The following HMGB1 variants were observed in gnomAD, a reference collection of about 807,000 sequenced individuals.
HMGB1 encodes the protein high mobility group box 1, also known as high mobility group protein B1.
For synonymous variants in HMGB1, 81 were observed against 84.0 expected, an observed-to-expected ratio of 0.96 and a Z score of 0.19; for missense variants, 79 against 253.5, an observed-to-expected ratio of 0.31 and a Z score of 4.67.
chr13:30,489,723 A>G (rs896437314), intron 1 of HMGB1, among the ~76,000 whole-genome samples: 1 of 149,888 alleles, frequency 6.7e-6, no homozygotes. Context: ...GACCAATTCA[A>G]ATGGAATTTC....
chr13:30,555,033 G>GTGTT (rs1869616442), intron 1 of HMGB1, among the ~76,000 whole-genome samples: 19 of 72,438 alleles, frequency 2.6e-4, no homozygotes, highest in Non-Finnish European at 3.8e-4. Flanking sequence ...GTGTCGTTGT[G>GTGTT]TTTTTTTTTT....
intron 1 of HMGB1, among the ~76,000 whole-genome samples, chr13:30,573,635 T>C (rs1397366859): frequency 6.6e-6 from 1 of 151,264 alleles, no homozygotes; most frequent in Non-Finnish European, 1.5e-5. Flanking sequence ...AGGAGTCAAA[T>C]GAATCTAGCA....
chr13:30,520,403 T>G (rs896444796), intron 1 of HMGB1, among the ~76,000 whole-genome samples: 2 of 150,498 alleles, frequency 1.3e-5, no homozygotes, highest in Non-Finnish European at 3.0e-5. Flanking sequence ...GCGGCTCACT[T>G]GAGGCCAGGA....
intron 1 of HMGB1, among the ~76,000 whole-genome samples, chr13:30,511,614 T>A (rs761872885): frequency 9.2e-5 from 14 of 152,186 alleles, no homozygotes; most frequent in Non-Finnish European, 2.1e-4. Context: ...ATACACCAAG[T>A]CTTCTTGCTT....
chr13:30,483,361 TC>T (rs901054070), intron 1 of HMGB1, among the ~76,000 whole-genome samples: 16 of 151,936 alleles, frequency 1.1e-4, no homozygotes, highest in African/African-American at 3.9e-4. Flanking sequence ...ACTCCTCCTT[TC>T]CCTCACTCCC....
In HMGB1 at chr13:30,546,717, T is replaced by C. The variant is rs114319003; in HGVS notation, c.-15+69954A>G. Reference sequence around the variant, plus strand: ...CCAGACTTGTCTTGAACTCCTGGCCTCAACTGATCCTCCTACCTCAGCCTT... The same window carrying C: ...CCAGACTTGTCTTGAACTCCTGGCCCCAACTGATCCTCCTACCTCAGCCTT... On this transcript the variant is annotated intron_variant, in intron 1 of 4. Transcript: ENST00000405805. Among the ~76,000 whole-genome samples, 1,162 of 152,156 alleles carry C rather than the reference T, an allele frequency of 7.6e-3. 19 individuals are homozygous for C. The highest frequency in any genetic ancestry group is 0.027 in the African/African-American group (1,129 of 41,512).
chr13:30,561,559 G>GA lies in HMGB1; in HGVS notation c.-15+55111dup, dbSNP rs534997953. ...GTGACAAAGAAAGACCCTGTTGCGA[G>GA]AAAAAAAGTCAGTGAAGTAGTAGGA... On this transcript the variant is annotated intron_variant, in intron 1 of 4. Coordinates refer to the HMGB1 transcript ENST00000405805. 2.0e-4 allele frequency among the ~76,000 whole-genome samples: 30 copies of GA among 152,168 alleles called. No individual in the cohort carries two copies. In the East Asian group the frequency reaches 5.2e-3, roughly 26 times the overall value.
chr13:30,463,248 T>C lies in HMGB1; in HGVS notation c.255A>G (p.Thr85=), dbSNP rs956895154. Residue 85 remains threonine (T), a synonymous_variant, in exon 3 of 5, where the codon ACA becomes ACG. Coordinates refer to ENST00000341423, the MANE Select transcript of HMGB1 (RefSeq NM_002128.7). ...CATTGGGATCCTTGAACTTCTTTTTTGTCTCCCCTTTGGGAGGGATATAGG... is the reference window on the plus strand; with the variant it reads ...CATTGGGATCCTTGAACTTCTTTTTCGTCTCCCCTTTGGGAGGGATATAGG... ...MKTYIPPKGE[T]KKKFKDPNAP... 5 of 1,603,788 alleles carry C rather than the reference T, an allele frequency of 3.1e-6. No homozygotes were observed. The highest frequency in any genetic ancestry group is 4.2e-6 in the Non-Finnish European group (5 of 1,178,306).
intron 1 of HMGB1, among the ~76,000 whole-genome samples, chr13:30,490,995 T>A (rs1233416787): frequency 1.3e-5 from 2 of 152,114 alleles, no homozygotes; most frequent in Non-Finnish European, 2.9e-5. Flanking sequence ...TTCAATTCAT[T>A]TTCAACAAAG....
At chr13:30,545,097 T>A (rs1869088757) in intron 1 of HMGB1, among the ~76,000 whole-genome samples, 1 of 152,310 alleles carries the variant, frequency 6.6e-6, no homozygotes, top group East Asian at 1.9e-4. Flanking sequence ...TCTGTTTGCA[T>A]TGATTTCCAT....
intron 1 of HMGB1, among the ~76,000 whole-genome samples, chr13:30,548,506 A>G (rs1869272083): frequency 6.6e-6 from 1 of 152,242 alleles, no homozygotes; most frequent in Admixed American, 6.5e-5. Context: ...TTTGAAAAGG[A>G]TATTTCATTA....
At chr13:30,494,004 A>T (rs1222851246) in intron 1 of HMGB1, among the ~76,000 whole-genome samples, 1 of 141,764 alleles carries the variant, frequency 7.1e-6, no homozygotes, top group South Asian at 2.3e-4. Context: ...AGCCTTTATT[A>T]AAAAAAAAAA....
At chr13:30,615,912 G>A (rs2137580987) in intron 1 of HMGB1, among the ~76,000 whole-genome samples, 1 of 152,274 alleles carries the variant, frequency 6.6e-6, no homozygotes, top group South Asian at 2.1e-4. Flanking sequence ...TTTATAACTG[G>A]AAATAGGTCA....
chr13:30,550,818 T>A (rs1300897346), intron 1 of HMGB1, among the ~76,000 whole-genome samples: 2 of 152,268 alleles, frequency 1.3e-5, no homozygotes, highest in Non-Finnish European at 2.9e-5. Context: ...TAAATTCATG[T>A]GTCATATATT....
At chr13:30,468,935 C>T (rs1024072794), upstream of HMGB1, among the ~76,000 whole-genome samples, 2 of 151,996 alleles carry the variant, frequency 1.3e-5, no homozygotes, top group Non-Finnish European at 2.9e-5. Flanking sequence ...GCTCTGTTGC[C>T]CAGGCTGGAG....
At chr13:30,508,293 G>A (rs965947877) in intron 1 of HMGB1, among the ~76,000 whole-genome samples, 1 of 151,920 alleles carries the variant, frequency 6.6e-6, no homozygotes, top group African/African-American at 2.4e-5. Flanking sequence ...AGGCAGATCC[G>A]CTGAGGCCAG....
intron 1 of HMGB1, among the ~76,000 whole-genome samples, chr13:30,492,982 G>A (rs1887532624): frequency 1.7e-5 from 2 of 115,386 alleles, no homozygotes; most frequent in Admixed American, 1.2e-4. Flanking sequence ...GTGACGAAGT[G>A]AGACTACATC....
intron 1 of HMGB1, among the ~76,000 whole-genome samples, chr13:30,471,507 C>G (rs1789198694): frequency 1.3e-5 from 2 of 151,090 alleles, no homozygotes; most frequent in Non-Finnish European, 2.9e-5. Flanking sequence ...GCCACCACAC[C>G]TGGCTAATTT....
chr13:30,586,414 G>A (rs572039925), intron 1 of HMGB1, among the ~76,000 whole-genome samples: 23 of 150,756 alleles, frequency 1.5e-4, no homozygotes, highest in African/African-American at 5.1e-4. Flanking sequence ...GCTCCTGGGC[G>A]ATGTCAATCA....
Sources: allele counts gnomAD v4.1 joint callset (sites outside exome capture counted in the v4.1 genomes callset), GRCh38; gene constraint gnomAD v4.1.1; transcripts MANE v1.5; gene names NCBI Gene and HGNC (gene_info 2026-07-23, HGNC 2026-07-21).